Variants in RDH10 observed in about 807,000 individuals in gnomAD.
RDH10 encodes the protein retinol dehydrogenase 10 (all-trans).
A neutral mutation model predicts 30.2 loss-of-function variants in RDH10; 12 were observed. The observed-to-expected ratio is 0.40, with a 90% confidence interval of 0.25 to 0.64. The LOEUF is 0.64. RDH10 is among the 30% of genes least tolerant of loss of function. RDH10 has a pLI of 0.43. For missense variants in RDH10, 268 were observed against 445.2 expected, an observed-to-expected ratio of 0.60 and a Z score of 3.58; for synonymous variants, 189 against 172.2, an observed-to-expected ratio of 1.10 and a Z score of -0.76.
At chr8:73,315,496 C>G (rs1462946875) in intron 2 of RDH10, 1 of 411,830 alleles carries the variant, frequency 2.4e-6, no homozygotes, top group Middle Eastern at 3.5e-4. Flanking sequence ...GGATATTAAT[C>G]AGTTTCAGAA....
chr8:73,318,022 TCTTC>T (rs1185274120), intron 2 of RDH10, among the ~76,000 whole-genome samples: 2 of 148,950 alleles, frequency 1.3e-5, no homozygotes, highest in African/African-American at 2.5e-5. Flanking sequence ...GGAATGCAGC[TCTTC>T]CTTAAGTCTG....
rs76445056 is a variant in RDH10 at position 73,303,196 on chromosome 8, C to A, written c.525+5767C>A. On this transcript the variant is annotated intron_variant, in intron 2 of 5. Transcript: ENST00000240285. ...TCCAGGAAAAGTAAAAGCCCACCAGCTAGATCTGAGTAATGTAGCACTTAA... is the reference window on the plus strand; with the variant it reads ...TCCAGGAAAAGTAAAAGCCCACCAGATAGATCTGAGTAATGTAGCACTTAA... Among the ~76,000 whole-genome samples the A allele has an allele frequency of 7.2e-4, 109 of 152,310 alleles. No individual in the cohort carries two copies. In the East Asian group the frequency reaches 0.02, roughly 27 times the overall value.
chr8:73,296,957 A>C (rs1814276705), intron 1 of RDH10: 3 of 479,288 alleles, frequency 6.3e-6, no homozygotes, highest in African/African-American at 2.0e-5. Flanking sequence ...TGTCACAATT[A>C]CATGACTTTC....
chr8:73,317,122 AATAAGT>A (rs1383254633), intron 2 of RDH10, among the ~76,000 whole-genome samples: 2 of 152,222 alleles, frequency 1.3e-5, no homozygotes, highest in Non-Finnish European at 2.9e-5. Context: ...CAGTCAGACA[AATAAGT>A]ATAAGACAAT....
chr8:73,320,898 T>G, intron 3 of RDH10, 34 bp from the exon 4 acceptor site: 1 of 1,612,500 alleles, frequency 6.2e-7, no homozygotes, highest in South Asian at 1.1e-5. Flanking sequence ...GGGCATATGC[T>G]TAGTATTTCT....
intron 1 of RDH10, among the ~76,000 whole-genome samples, chr8:73,296,705 G>A (rs1011692812): frequency 3.3e-5 from 5 of 152,150 alleles, no homozygotes; most frequent in African/African-American, 9.7e-5. Flanking sequence ...TTCATTTCTT[G>A]GCTTTGGATG....
intron 2 of RDH10, chr8:73,313,337 A>G (rs1003034351): frequency 5.3e-5 from 8 of 152,234 alleles, no homozygotes; most frequent in African/African-American, 1.9e-4. Flanking sequence ...TTATATTACA[A>G]ATGTGACCTT....
chr8:73,298,720 G>T (rs1814323172), intron 2 of RDH10, among the ~76,000 whole-genome samples: 1 of 152,104 alleles, frequency 6.6e-6, no homozygotes, highest in African/African-American at 2.4e-5. Context: ...TAGAGATGGG[G>T]TTTCATGGTG....
intron 2 of RDH10, chr8:73,297,933 T>A: frequency 1.2e-5 from 2 of 172,574 alleles, no homozygotes; most frequent in Non-Finnish European, 2.5e-5. Flanking sequence ...CAGGGCATCT[T>A]CCTGTTGCAG....
chr8:73,307,888 T>C (rs1814490690), intron 2 of RDH10, among the ~76,000 whole-genome samples: 1 of 152,238 alleles, frequency 6.6e-6, no homozygotes. Flanking sequence ...GGAAGCTTGC[T>C]CTGTAGATTA....
chr8:73,318,664 G>A (rs983491814), intron 2 of RDH10, among the ~76,000 whole-genome samples: 1 of 152,244 alleles, frequency 6.6e-6, no homozygotes, highest in South Asian at 2.1e-4. Flanking sequence ...ATCGCCGTAA[G>A]GCACACATTA....
rs1814829213 is a variant in RDH10 at position 73,324,378 on chromosome 8, C to T, written c.*1342C>T. 6.6e-6 allele frequency: 1 copy of T among 152,332 alleles called. No individual in the cohort carries two copies. Among genetic ancestry groups the T allele is most frequent in the African/African-American group, 2.4e-5 (1 of 41,352 alleles). The allele number at this position is 152,332 out of a possible 1,614,324, so 9.4% of individuals were successfully genotyped here. A position where few individuals can be genotyped will look rare whatever the true frequency, so the allele number is the denominator to read the frequency against. ...ATTAGTGAAACATTGTAAAGGTGAA[C>T]TTCTACCTCTGTATCTAAATGTATA... On this transcript the variant is annotated 3_prime_UTR_variant, in exon 6 of 6. Coordinates refer to ENST00000240285, the MANE Select transcript of RDH10 (RefSeq NM_172037.5).
rs1313348602 is a variant in RDH10 at position 73,304,215 on chromosome 8, C to T, written c.525+6786C>T. Among the ~76,000 whole-genome samples, 4 of 152,178 alleles carry T rather than the reference C, an allele frequency of 2.6e-5. No homozygotes were observed. The East Asian group carries it at 5.8e-4, about 22-fold the overall frequency. ...AGCATGTCACAAAACTGAACAAACT[C>T]CTCTTTGCTCCTTCTTGCATTCCCT... On this transcript the variant is annotated intron_variant, in intron 2 of 5. Transcript: ENST00000240285.
intron 2 of RDH10, among the ~76,000 whole-genome samples, chr8:73,298,869 C>T (rs11783908): frequency 0.2 from 29,892 of 152,088 alleles, 3,000 homozygotes; most frequent in Middle Eastern, 0.23. Flanking sequence ...GGCTGGAGTA[C>T]AATGGCGTGA....
chr8:73,307,228 C>T (rs1041435627), intron 2 of RDH10, among the ~76,000 whole-genome samples: 4 of 152,102 alleles, frequency 2.6e-5, no homozygotes, highest in Admixed American at 2.0e-4. Context: ...TGTTTTCCAG[C>T]GTCATCTAGG....
At chr8:73,307,264 C>A (rs1356630779) in intron 2 of RDH10, among the ~76,000 whole-genome samples, 12 of 152,098 alleles carry the variant, frequency 7.9e-5, no homozygotes, top group Admixed American at 7.9e-4. Flanking sequence ...GACTAGGCAG[C>A]TGAAGCAACT....
Position 73,322,804 on chromosome 8 carries a change from T to C in RDH10, c.896T>C (p.Met299Thr). Reference sequence around the variant, plus strand: ...CGCCTCATGTACATCGTGACCTTCATGAAGAGGTAACTGGGAGGGGTTCCC... The same window carrying C: ...CGCCTCATGTACATCGTGACCTTCACGAAGAGGTAACTGGGAGGGGTTCCC... ...TPRLMYIVTFMKSILPFEAVV... is the reference protein window; with the variant it reads ...TPRLMYIVTFTKSILPFEAVV... Residue 299 changes from methionine (M) to threonine (T), a missense_variant, in exon 5 of 6, where the codon ATG becomes ACG. Transcript: ENST00000240285. The C allele has an allele frequency of 6.2e-7, 1 of 1,614,208 alleles. No individual in the cohort carries two copies. The highest frequency in any genetic ancestry group is 8.5e-7 in the Non-Finnish European group (1 of 1,180,028).
At chr8:73,299,578 C>T (rs927011772) in intron 2 of RDH10, among the ~76,000 whole-genome samples, 13 of 152,162 alleles carry the variant, frequency 8.5e-5, no homozygotes, top group Admixed American at 4.6e-4. Flanking sequence ...CATTATGAAC[C>T]GCAGATACTG....
At chr8:73,297,505 C>A in intron 2 of RDH10, 76 bp downstream of exon 2, 1 of 1,101,944 alleles carries the variant, frequency 9.1e-7, no homozygotes, top group Non-Finnish European at 1.4e-6. Flanking sequence ...GACTTCAGTG[C>A]CAGCCTGAAA....
Sources: allele counts gnomAD v4.1 joint callset (sites outside exome capture counted in the v4.1 genomes callset), GRCh38; gene constraint gnomAD v4.1.1; transcripts MANE v1.5; gene names NCBI Gene and HGNC (gene_info 2026-07-23, HGNC 2026-07-21).